METTL15: variants seen among roughly 807,000 people sequenced by gnomAD.
METTL15 encodes the protein methyltransferase 15, mitochondrial 12S rRNA N4-cytidine.
A neutral mutation model predicts 38.3 loss-of-function variants in METTL15; 34 were observed. That is an observed-to-expected ratio of 0.89 (90% confidence interval 0.68 to 1.18). The LOEUF is 1.18. METTL15 is among the 50% of genes most tolerant of loss of function. The pLI is 0.00. For synonymous variants in METTL15, 162 were observed against 170.9 expected (o/e 0.95, Z 0.41); for missense variants, 438 against 498.4 (o/e 0.88, Z 1.15).
At chr11:28,284,451 G>T (rs1315644784) in intron 4 of METTL15, among the ~76,000 whole-genome samples, 1 of 152,128 alleles carries the variant, frequency 6.6e-6, no homozygotes, top group Non-Finnish European at 1.5e-5. Context: ...GGACAGTAGC[G>T]ATTTGTTATA....
intron 3 of METTL15, among the ~76,000 whole-genome samples, chr11:28,147,078 A>G (rs1303391514): frequency 6.6e-6 from 1 of 151,964 alleles, no homozygotes; most frequent in Non-Finnish European, 1.5e-5. Context: ...AATGCTAGAA[A>G]GGATTACTGA....
intron 6 of METTL15, among the ~76,000 whole-genome samples, chr11:28,454,997 T>G (rs1191614385): frequency 6.6e-6 from 1 of 152,050 alleles, no homozygotes; most frequent in Non-Finnish European, 1.5e-5. Context: ...AGAGACTGGC[T>G]TAAGAGACAG....
intron 4 of METTL15, among the ~76,000 whole-genome samples, chr11:28,278,272 A>G (rs1855918775): frequency 6.6e-6 from 1 of 152,336 alleles, no homozygotes; most frequent in Non-Finnish European, 1.5e-5. Flanking sequence ...TTATGTGACA[A>G]TTATGTGGAA....
chr11:28,445,853 A>G (rs528592064), intron 6 of METTL15, among the ~76,000 whole-genome samples: 1 of 151,786 alleles, frequency 6.6e-6, no homozygotes, highest in Non-Finnish European at 1.5e-5. Flanking sequence ...AGGTTTTGCC[A>G]TGTTGCCCAG....
intron 6 of METTL15, among the ~76,000 whole-genome samples, chr11:28,475,243 C>T (rs1340490786): frequency 6.6e-6 from 1 of 152,186 alleles, no homozygotes; most frequent in African/African-American, 2.4e-5. Context: ...AAGCTCACAG[C>T]CAAGCTTCAT....
At position 28,204,296 on chromosome 11, in the gene METTL15, T is replaced by A. The variant is rs1412201603; in HGVS notation, c.271-6766T>A. 2.0e-5 allele frequency among the ~76,000 whole-genome samples: 3 copies of A among 151,976 alleles called. No individual in the cohort carries two copies. The East Asian group carries it at 5.8e-4, about 29-fold the overall frequency. On this transcript the variant is annotated intron_variant, in intron 3 of 6. Transcript: ENST00000407364. The stretch of plus-strand genomic sequence containing the variant: ...CATTTTTTGTTCTTTCTATCACTCT[T>A]GCCTTTTCTTCCTCTTTCTCTCTTC...
chr11:28,347,381 C>G (rs1308513599), intron 3 of METTL15, among the ~76,000 whole-genome samples: 1 of 152,188 alleles, frequency 6.6e-6, no homozygotes, highest in African/African-American at 2.4e-5. Flanking sequence ...ACGACCCAAC[C>G]ATCTTTACCT....
intron 3 of METTL15, chr11:28,197,405 TA>T: frequency 3.3e-6 from 1 of 301,774 alleles, no homozygotes; most frequent in Non-Finnish European, 7.1e-6. Context: ...ATCCGTTTTA[TA>T]ATATTATTTA....
At chr11:28,444,755 A>G (rs1380360452) in intron 6 of METTL15, among the ~76,000 whole-genome samples, 2 of 152,216 alleles carry the variant, frequency 1.3e-5, no homozygotes, top group Non-Finnish European at 2.9e-5. Flanking sequence ...AATAGTTTCT[A>G]TCCTCCCTTC....
intron 6 of METTL15, among the ~76,000 whole-genome samples, chr11:28,505,127 G>A (rs1851617849): frequency 6.6e-6 from 1 of 152,194 alleles, no homozygotes. Flanking sequence ...CTGGAAAGGT[G>A]ATAACTAGAA....
At chr11:28,187,435 A>G (rs1342197529) in intron 3 of METTL15, among the ~76,000 whole-genome samples, 1 of 150,846 alleles carries the variant, frequency 6.6e-6, no homozygotes, top group Admixed American at 6.6e-5. Context: ...GATATTAATA[A>G]TGTATAACTC....
At chr11:28,489,064 C>T (rs940430431) in intron 6 of METTL15, among the ~76,000 whole-genome samples, 4 of 152,126 alleles carry the variant, frequency 2.6e-5, no homozygotes, top group African/African-American at 4.8e-5. Flanking sequence ...TGAAGTCTCT[C>T]GATAGAGCTC....
At chr11:28,336,062 T>TC (rs577992540), downstream of METTL15, among the ~76,000 whole-genome samples, 202 of 152,256 alleles carry the variant, frequency 1.3e-3, no homozygotes, top group African/African-American at 4.6e-3. Flanking sequence ...ATGTCTTTTT[T>TC]CCCCCCTTAG....
chr11:28,382,861 A>T (rs1310675466), intron 5 of METTL15, among the ~76,000 whole-genome samples: 1 of 151,518 alleles, frequency 6.6e-6, no homozygotes, highest in Non-Finnish European at 1.5e-5. Flanking sequence ...AAGTTCAATT[A>T]TCTTATGCCT....
At chr11:28,125,905 G>A (rs183194473) in intron 3 of METTL15, 9 of 152,044 alleles carry the variant, frequency 5.9e-5, no homozygotes, top group East Asian at 3.9e-4. Context: ...CGTATTCTAC[G>A]CATCAGTGGA....
chr11:28,366,656 G>A (rs1850189197), intron 5 of METTL15, among the ~76,000 whole-genome samples: 1 of 152,158 alleles, frequency 6.6e-6, no homozygotes, highest in South Asian at 2.1e-4. Context: ...GATGTAAAAT[G>A]TCTGTAGGAG....
At chr11:28,529,049 G>T (rs1851829581), downstream of METTL15, among the ~76,000 whole-genome samples, 1 of 152,130 alleles carries the variant, frequency 6.6e-6, no homozygotes, top group African/African-American at 2.4e-5. Flanking sequence ...AATGGAGTGG[G>T]TTCATAATCC....
intron 4 of METTL15, among the ~76,000 whole-genome samples, chr11:28,214,965 G>T (rs982238606): frequency 5.9e-5 from 9 of 152,108 alleles, no homozygotes; most frequent in Admixed American, 3.9e-4. Flanking sequence ...GTTGACAAGA[G>T]AAAAGAATAA....
At chr11:28,198,872 C>G (rs1333773936) in intron 3 of METTL15, among the ~76,000 whole-genome samples, 1 of 152,012 alleles carries the variant, frequency 6.6e-6, no homozygotes, top group East Asian at 1.9e-4. Context: ...CATGCAGAGC[C>G]TTAGAGAAGT....
Sources: allele counts gnomAD v4.1 joint callset (sites outside exome capture counted in the v4.1 genomes callset), GRCh38; gene constraint gnomAD v4.1.1; transcripts MANE v1.5; gene names NCBI Gene and HGNC (gene_info 2026-07-23, HGNC 2026-07-21).